Variants in PCDH15 observed in about 807,000 individuals in gnomAD.
PCDH15 encodes the protein protocadherin related 15.
A neutral mutation model predicts 178.5 loss-of-function variants in PCDH15; 129 were observed. That is an observed-to-expected ratio of 0.72 (90% confidence interval 0.63 to 0.84). PCDH15 has a LOEUF of 0.84. Among genes scored for constraint, PCDH15 ranks in the 40% least tolerant of loss-of-function variants. The pLI, the probability that PCDH15 is intolerant of heterozygous loss-of-function variation, is 0.00. For missense variants in PCDH15, 2,230 were observed against 2,099.9 expected, an observed-to-expected ratio of 1.06 and a Z score of -1.21; for synonymous variants, 800 against 732.0, an observed-to-expected ratio of 1.09 and a Z score of -1.50.
At chr10:54,046,764 T>G in intron 18 of PCDH15, among the ~76,000 whole-genome samples, 1 of 152,298 alleles carries the variant, frequency 6.6e-6, no homozygotes, top group South Asian at 2.1e-4. Context: ...AATAATATAC[T>G]AAACTGTACA....
chr10:55,178,693 TA>T (rs374021134), intron 1 of PCDH15, among the ~76,000 whole-genome samples: 4 of 152,248 alleles, frequency 2.6e-5, no homozygotes, highest in South Asian at 2.1e-4. Flanking sequence ...AGCACCAATG[TA>T]AAGAAATTGG....
intron 1 of PCDH15, among the ~76,000 whole-genome samples, chr10:54,725,894 A>G (rs1260790330): frequency 6.8e-6 from 1 of 147,974 alleles, no homozygotes; most frequent in African/African-American, 2.5e-5. Flanking sequence ...CTGGTAAAAA[A>G]AAATTACTGC....
At chr10:53,941,113 G>A in intron 23 of PCDH15, 138 bp from the exon 24 acceptor site, 1 of 648,898 alleles carries the variant, frequency 1.5e-6, no homozygotes, top group Non-Finnish European at 2.7e-6. Context: ...CCTCCTCCAT[G>A]ATCAAATCCC....
At chr10:55,201,211 G>T (rs1450474955) in intron 1 of PCDH15, among the ~76,000 whole-genome samples, 1 of 152,042 alleles carries the variant, frequency 6.6e-6, no homozygotes, top group East Asian at 1.9e-4. Context: ...AGCTACTTTT[G>T]TCACACAAGG....
intron 2 of PCDH15, among the ~76,000 whole-genome samples, chr10:54,908,796 C>T (rs938305511): frequency 7.2e-5 from 11 of 151,874 alleles, no homozygotes; most frequent in African/African-American, 2.7e-4. Context: ...GTGTTCAGCT[C>T]TCAGCAGAGA....
At chr10:54,394,823 C>T (rs1299743405) in intron 3 of PCDH15, among the ~76,000 whole-genome samples, 1 of 152,126 alleles carries the variant, frequency 6.6e-6, no homozygotes, top group East Asian at 1.9e-4. Flanking sequence ...TAAGCCTATA[C>T]CTCCAGGTGG....
intron 14 of PCDH15, among the ~76,000 whole-genome samples, chr10:54,134,981 C>T (rs1302831467): frequency 6.6e-6 from 1 of 150,882 alleles, no homozygotes; most frequent in East Asian, 2.0e-4. Flanking sequence ...CCAAGGTGAG[C>T]GATCACAAGG....
chr10:53,938,921 GATA>G lies in PCDH15; in HGVS notation c.3264_3266del (p.Ile1089del). ...CATAATCCAGAGGTCCATTCACATA[GATA>G]ACACCTGTGATGTTATTAATTCCAA... On this transcript the variant is annotated inframe_deletion, in exon 25 of 38. Coordinates refer to ENST00000644397, the MANE Select transcript of PCDH15 (RefSeq NM_001384140.1). The G allele has an allele frequency of 6.2e-7, 1 of 1,612,790 alleles. No individual in the cohort carries two copies. Among genetic ancestry groups the G allele is most frequent in the Non-Finnish European group, 8.5e-7 (1 of 1,179,086 alleles).
intron 16 of PCDH15, among the ~76,000 whole-genome samples, chr10:54,082,024 T>C (rs1471911225): frequency 6.6e-6 from 1 of 152,168 alleles, no homozygotes; most frequent in Non-Finnish European, 1.5e-5. Flanking sequence ...CTCTGTGGCA[T>C]TTTGACTTGT....
At chr10:54,849,711 T>C (rs1204480694) in intron 3 of PCDH15, among the ~76,000 whole-genome samples, 6 of 152,158 alleles carry the variant, frequency 3.9e-5, no homozygotes. Context: ...TTTTTGCCAA[T>C]CATTTCAAAG....
intron 5 of PCDH15, among the ~76,000 whole-genome samples, chr10:54,352,204 A>T (rs973798037): frequency 1.3e-5 from 2 of 152,222 alleles, no homozygotes; most frequent in Non-Finnish European, 1.5e-5. Flanking sequence ...TAGTTTACAC[A>T]TGTATTCCAC....
intron 26 of PCDH15, among the ~76,000 whole-genome samples, chr10:53,884,448 A>G (rs529668264): frequency 6.6e-6 from 1 of 152,336 alleles, no homozygotes; most frequent in South Asian, 2.1e-4. Context: ...ACAGTTGGTG[A>G]GCAGAACATA....
chr10:54,028,888 T>A (rs554527730), intron 18 of PCDH15, among the ~76,000 whole-genome samples: 1 of 150,952 alleles, frequency 6.6e-6, no homozygotes, highest in Non-Finnish European at 1.5e-5. Context: ...TGTATACATA[T>A]GTAACTAACC....
At position 55,539,071 on chromosome 10, in the gene PCDH15, C is replaced by T. The variant is rs568680961; in HGVS notation, c.-156+88554G>A. On this transcript the variant is annotated intron_variant, in intron 2 of 5. Coordinates refer to the PCDH15 transcript ENST00000613346. ...CCCTCCCTCCCTTCCTCTCTCTCTT[C>T]CTGGCTTCCTTCCTCCCTTCCTTGC... Among the ~76,000 whole-genome samples the T allele has an allele frequency of 3.3e-5, 5 of 149,700 alleles. No homozygotes were observed. The East Asian group carries it at 1.0e-3, about 30-fold the overall frequency.
chr10:54,755,807 CT>C (rs1240308068), intron 1 of PCDH15, among the ~76,000 whole-genome samples: 1 of 151,922 alleles, frequency 6.6e-6, no homozygotes, highest in African/African-American at 2.4e-5. Flanking sequence ...TAATGCAGCA[CT>C]TTTTTCATTG....
chr10:55,485,872 T>C (rs189457088), intron 2 of PCDH15, among the ~76,000 whole-genome samples: 48 of 151,838 alleles, frequency 3.2e-4, no homozygotes, highest in African/African-American at 1.0e-3. Flanking sequence ...TGCTTTCCTT[T>C]TGGGGTCTGG....
chr10:54,954,128 C>T (rs950302936), intron 2 of PCDH15, among the ~76,000 whole-genome samples: 28 of 151,168 alleles, frequency 1.9e-4, no homozygotes, highest in Non-Finnish European at 2.8e-4. Context: ...GAATCGTGTC[C>T]TATCATCTAA....
chr10:55,140,102 A>T (rs1002878112), intron 2 of PCDH15, among the ~76,000 whole-genome samples: 5 of 151,892 alleles, frequency 3.3e-5, no homozygotes, highest in African/African-American at 1.2e-4. Context: ...TTGATTTTTT[A>T]AATGTTTATT....
rs912540328 is a variant in PCDH15, at chr10:54,357,163, C to A, written c.475-10679G>T. ...ATAGTGTTGGAAGTTCTGGCCAGGG[C>A]AGTTAGGCAGGAGAAGGAAATAAAG... On this transcript the variant is annotated intron_variant, in intron 5 of 37. Coordinates refer to ENST00000644397, the MANE Select transcript of PCDH15 (RefSeq NM_001384140.1). 2.6e-5 allele frequency among the ~76,000 whole-genome samples: 4 copies of A among 151,958 alleles called. No homozygotes were observed. In the East Asian group the frequency reaches 5.8e-4, roughly 22 times the overall value.
Sources: allele counts gnomAD v4.1 joint callset (sites outside exome capture counted in the v4.1 genomes callset), GRCh38; gene constraint gnomAD v4.1.1; transcripts MANE v1.5; gene names NCBI Gene and HGNC (gene_info 2026-07-23, HGNC 2026-07-21).